MTUS2: variants seen among roughly 807,000 people sequenced by gnomAD.
MTUS2 encodes microtubule associated scaffold protein 2.
Under a neutral mutation model 114.1 loss-of-function variants are expected in MTUS2, and 40 were observed. The observed-to-expected ratio is 0.35, with a 90% CI of 0.27 to 0.46. MTUS2 has a LOEUF of 0.46. Ranked by LOEUF, MTUS2 falls within the 20% of genes least tolerant of loss-of-function variation. MTUS2 has a pLI of 1.00. For missense variants in MTUS2, 1,679 were observed against 1,705.4 expected, an observed-to-expected ratio of 0.98 and a Z score of 0.27; for synonymous variants, 688 against 672.0, an observed-to-expected ratio of 1.02 and a Z score of -0.37.
intron 9 of MTUS2, among the ~76,000 whole-genome samples, chr13:29,443,197 C>G (rs1046428821): frequency 1.3e-5 from 2 of 152,168 alleles, no homozygotes; most frequent in African/African-American, 4.8e-5. Context: ...AAAGGTGACT[C>G]TCATAACTAT....
At chr13:29,037,985 G>C (rs934517497) in intron 4 of MTUS2, among the ~76,000 whole-genome samples, 2 of 152,108 alleles carry the variant, frequency 1.3e-5, no homozygotes, top group African/African-American at 4.8e-5. Flanking sequence ...AGAGTTGGTT[G>C]TTACCCACGT....
At chr13:29,265,805 A>G (rs897045814) in intron 5 of MTUS2, among the ~76,000 whole-genome samples, 16 of 152,186 alleles carry the variant, frequency 1.1e-4, no homozygotes, top group Admixed American at 9.2e-4. Context: ...TAAGCCATTC[A>G]TGAGGAATCC....
chr13:29,400,579 G>C (rs1259486047), intron 8 of MTUS2, among the ~76,000 whole-genome samples: 1 of 152,194 alleles, frequency 6.6e-6, no homozygotes, highest in African/African-American at 2.4e-5. Flanking sequence ...CTGGAAATCT[G>C]TCACATCTGG....
chr13:28,907,798 A>T (rs576299567), intron 2 of MTUS2, among the ~76,000 whole-genome samples: 29 of 151,698 alleles, frequency 1.9e-4, no homozygotes, highest in African/African-American at 6.8e-4. Flanking sequence ...CCACACAATA[A>T]TAATGGGAGA....
At chr13:28,917,879 T>C (rs557788636) in intron 2 of MTUS2, among the ~76,000 whole-genome samples, 1 of 151,980 alleles carries the variant, frequency 6.6e-6, no homozygotes, top group East Asian at 1.9e-4. Flanking sequence ...CCTTTTAGTA[T>C]TGCTTTTGCT....
At chr13:29,425,583 G>A (rs114286408) in intron 8 of MTUS2, among the ~76,000 whole-genome samples, 2 of 152,148 alleles carry the variant, frequency 1.3e-5, no homozygotes, top group African/African-American at 4.8e-5. Context: ...AAACAAGTGT[G>A]CCAACACCTT....
At chr13:29,307,645 A>G in intron 6 of MTUS2, 1 of 1,146,918 alleles carries the variant, frequency 8.7e-7, no homozygotes, top group Admixed American at 1.7e-5. Flanking sequence ...CAACAGCGAC[A>G]CCCACTCTTC....
At chr13:29,307,756 C>G (rs1364667710) in intron 6 of MTUS2, 2 of 1,072,064 alleles carry the variant, frequency 1.9e-6, no homozygotes, top group Non-Finnish European at 2.8e-6. Context: ...GGTGATGGAC[C>G]TCATGGCCCA....
intron 5 of MTUS2, among the ~76,000 whole-genome samples, chr13:29,158,358 C>CCCCCCCTCCT: frequency 3.1e-5 from 1 of 32,048 alleles, no homozygotes; most frequent in African/African-American, 2.1e-4. Context: ...GTCCACCCCG[C>CCCCCCCTCCT]TTTTTTTTTT....
At chr13:29,493,067 G>A (rs1341343251) in intron 12 of MTUS2, among the ~76,000 whole-genome samples, 4 of 152,350 alleles carry the variant, frequency 2.6e-5, no homozygotes, top group South Asian at 4.1e-4. Flanking sequence ...GGGGAAGAGA[G>A]TGTTCTAGGC....
intron 5 of MTUS2, among the ~76,000 whole-genome samples, chr13:29,101,708 T>G (rs1455875490): frequency 6.6e-6 from 1 of 152,210 alleles, no homozygotes; most frequent in Non-Finnish European, 1.5e-5. Context: ...CAGATGTTGT[T>G]TTCAAGACCT....
chr13:29,366,127 G>A (rs188302816), intron 8 of MTUS2, among the ~76,000 whole-genome samples: 4 of 152,298 alleles, frequency 2.6e-5, no homozygotes, highest in Admixed American at 1.3e-4. Context: ...CTATTAGTCC[G>A]TTTTCATACT....
At chr13:28,849,759 G>A (rs867961089) in intron 2 of MTUS2, among the ~76,000 whole-genome samples, 1 of 151,974 alleles carries the variant, frequency 6.6e-6, no homozygotes, top group African/African-American at 2.4e-5. Context: ...CATGCCTTGT[G>A]CTGCCTCTCT....
intron 4 of MTUS2, among the ~76,000 whole-genome samples, chr13:29,074,749 T>C (rs2479779): frequency 0.36 from 55,475 of 152,140 alleles, 10,290 homozygotes; most frequent in Admixed American, 0.4. Flanking sequence ...TTGATCTTAC[T>C]TCTTTATTTT....
chr13:29,338,774 A>G (rs1235910838), intron 7 of MTUS2, among the ~76,000 whole-genome samples: 1 of 152,216 alleles, frequency 6.6e-6, no homozygotes. Flanking sequence ...ACTATTATTT[A>G]AAAGAACAAA....
chr13:29,463,449 A>T (rs979338554), intron 9 of MTUS2, among the ~76,000 whole-genome samples: 1 of 152,118 alleles, frequency 6.6e-6, no homozygotes, highest in African/African-American at 2.4e-5. Flanking sequence ...TAGAAGGAAG[A>T]TTTTTTTTAG....
At chr13:28,891,482 G>A (rs1878918987) in intron 2 of MTUS2, among the ~76,000 whole-genome samples, 2 of 152,112 alleles carry the variant, frequency 1.3e-5, no homozygotes, top group Admixed American at 1.3e-4. Context: ...GAACTGAAAG[G>A]CATTAAAAAA....
intron 4 of MTUS2, among the ~76,000 whole-genome samples, chr13:29,066,176 A>G (rs937048172): frequency 6.6e-6 from 1 of 152,190 alleles, no homozygotes; most frequent in African/African-American, 2.4e-5. Context: ...GAGGGACAGG[A>G]TGCCTTGATC....
chr13:29,482,660 C>T (rs1388948893), intron 10 of MTUS2, among the ~76,000 whole-genome samples: 3 of 152,176 alleles, frequency 2.0e-5, no homozygotes, highest in Non-Finnish European at 4.4e-5. Context: ...GAGGAAGCTT[C>T]GAGATAAGTG....
Sources: gnomAD v4.1 joint callset for allele counts (sites outside exome capture counted in the v4.1 genomes callset) on GRCh38, gnomAD v4.1.1 for gene constraint, MANE v1.5 for transcripts, NCBI Gene and HGNC (gene_info 2026-07-23, HGNC 2026-07-21) for gene names.